Variants in STX1B observed in about 807,000 individuals in gnomAD.
The protein encoded by STX1B is syntaxin 1B.
STX1B carries 7 observed loss-of-function variants against 39.4 expected under a neutral mutation model. That is an observed-to-expected ratio of 0.18 (90% CI 0.10 to 0.33). The LOEUF is 0.33. STX1B is among the 10% of genes least tolerant of loss of function. The pLI, the probability that STX1B is intolerant of heterozygous loss-of-function variation, is 1.00. For missense variants in STX1B, 198 were observed against 383.2 expected (o/e 0.52, Z 4.04); for synonymous variants, 136 against 144.1 (o/e 0.94, Z 0.40).
chr16:31,002,644 G>C (rs2056636452), intron 1 of STX1B, among the ~76,000 whole-genome samples: 1 of 152,182 alleles, frequency 6.6e-6, no homozygotes, highest in African/African-American at 2.4e-5. Flanking sequence ...CTGTAGGGGA[G>C]GTGCCCTGTG....
In STX1B at chr16:31,010,405, G is replaced by A. The variant is rs1434475152; in HGVS notation, c.-9C>T. On this transcript the variant is annotated 5_prime_UTR_variant, in exon 1 of 10. Transcript: ENST00000215095. ...TGAGTCCGATCCTTCATCCTGCGAC[G>A]GCTCCTCCTCCTCCTCCTAGTCCTC... 6.7e-7 allele frequency: 1 copy of A among 1,493,428 alleles called. No homozygotes were observed. Among genetic ancestry groups the A allele is most frequent in the Non-Finnish European group, 9.0e-7 (1 of 1,111,778 alleles). 92.5% of individuals were successfully genotyped at this position (1,493,428 alleles called of 1,614,324 possible).
Position 30,992,090 on chromosome 16 carries a change from GACACAC to G in STX1B, c.*725_*730del, listed in dbSNP as rs55683703. 1.4e-5 allele frequency: 2 copies of G among 146,964 alleles called. No individual in the cohort carries two copies. The highest frequency in any genetic ancestry group is 2.5e-5 in the African/African-American group (1 of 39,636). The allele number at this position is 146,964 out of a possible 1,614,324, so 9.1% of individuals were successfully genotyped here. On this transcript the variant is annotated 3_prime_UTR_variant, in exon 10 of 10. Transcript: ENST00000215095. ...CTATCAATACTTCAGGCACATCCTG[GACACAC>G]ACACACACACACACACACACATGCA...
chr16:31,009,227 C>A (rs151084564), intron 1 of STX1B, among the ~76,000 whole-genome samples: 1 of 152,248 alleles, frequency 6.6e-6, no homozygotes, highest in African/African-American at 2.4e-5. Flanking sequence ...AAAGCAGAGA[C>A]CTGTGTCAAC....
At chr16:31,000,336 T>G (rs1266277880) in intron 4 of STX1B, among the ~76,000 whole-genome samples, 9 of 150,470 alleles carry the variant, frequency 6.0e-5, no homozygotes, top group African/African-American at 1.7e-4. Context: ...TTTTTTGTTT[T>G]TTTTTTTTTT....
At chr16:30,996,105 G>A (rs2056590333) in intron 7 of STX1B, 1 of 151,826 alleles carries the variant, frequency 6.6e-6, no homozygotes, top group Admixed American at 6.6e-5. Context: ...AACACAGGAG[G>A]CGGAGGTTGC....
Position 30,998,402 on chromosome 16 carries a change from A to G in STX1B, c.281-827T>C, listed in dbSNP as rs78086236. 2.9e-3 allele frequency among the ~76,000 whole-genome samples: 440 copies of G among 152,322 alleles called. 2 individuals are homozygous for G. Among genetic ancestry groups the G allele is most frequent in the African/African-American group, 0.01 (420 of 41,578 alleles). On this transcript the variant is annotated intron_variant, in intron 4 of 9. Coordinates refer to ENST00000215095, the MANE Select transcript of STX1B (RefSeq NM_052874.5). ...GAGGTACGGGGCCGGATGGCACCCCAAGGCTCCCCCGATTGAGTGACAGCT... is the reference window on the plus strand; with the variant it reads ...GAGGTACGGGGCCGGATGGCACCCCGAGGCTCCCCCGATTGAGTGACAGCT...
chr16:31,010,303 C>CCG, intron 1 of STX1B, 64 bp downstream of exon 1: 1 of 987,166 alleles, frequency 1.0e-6, no homozygotes, highest in Non-Finnish European at 1.4e-6. Context: ...TCCCCCACTC[C>CCG]ATCCCCACGC....
intron 1 of STX1B, among the ~76,000 whole-genome samples, chr16:31,008,102 C>T (rs1416274608): frequency 6.6e-6 from 1 of 152,078 alleles, no homozygotes; most frequent in Non-Finnish European, 1.5e-5. Context: ...CTGCCTCATC[C>T]CTCCCAGTGT....
chr16:31,010,064 A>T (rs2056672978), intron 1 of STX1B, among the ~76,000 whole-genome samples: 1 of 151,692 alleles, frequency 6.6e-6, no homozygotes, highest in Non-Finnish European at 1.5e-5. Flanking sequence ...TTCTCCTGAT[A>T]TCCACTCTCT....
chr16:30,996,801 G>C, intron 6 of STX1B, 45 bp from the exon 7 acceptor site: 3 of 1,607,504 alleles, frequency 1.9e-6, no homozygotes, highest in Non-Finnish European at 2.6e-6. Context: ...GGACAGCCTG[G>C]GGGCCTGAGG....
chr16:30,993,334 G>A lies in STX1B; in HGVS notation c.675+13C>T, dbSNP rs1291038113. ...GGAGGCTCCCAGAGTGGCATGGGTGGCAGAGCCAGTACCTGGCTCTCTACG... is the reference window on the plus strand; with the variant it reads ...GGAGGCTCCCAGAGTGGCATGGGTGACAGAGCCAGTACCTGGCTCTCTACG... On this transcript the variant is annotated intron_variant, in intron 8 of 9. Coordinates refer to ENST00000215095, the MANE Select transcript of STX1B (RefSeq NM_052874.5). 6 of 1,613,804 alleles carry A rather than the reference G, an allele frequency of 3.7e-6. No individual in the cohort carries two copies. Among genetic ancestry groups the A allele is most frequent in the Non-Finnish European group, 4.2e-6 (5 of 1,179,800 alleles).
At chr16:31,009,647 C>T (rs2056671228) in intron 1 of STX1B, among the ~76,000 whole-genome samples, 1 of 151,914 alleles carries the variant, frequency 6.6e-6, no homozygotes, top group Non-Finnish European at 1.5e-5. Flanking sequence ...GGAGCCGGGC[C>T]TCTTCAGGCC....
intron 1 of STX1B, among the ~76,000 whole-genome samples, chr16:31,003,386 T>TG (rs1567380192): frequency 6.6e-6 from 1 of 152,204 alleles, no homozygotes; most frequent in Non-Finnish European, 1.5e-5. Flanking sequence ...GGCTCACCTC[T>TG]GAGGACCCAT....
At position 30,997,682 on chromosome 16, in the gene STX1B, G is replaced by T. The variant is rs2056603218; in HGVS notation, c.281-107C>A. 2.8e-6 allele frequency: 3 copies of T among 1,076,882 alleles called. No individual in the cohort carries two copies. The Admixed American group carries it at 6.7e-5, about 24-fold the overall frequency. The allele number at this position is 1,076,882 out of a possible 1,614,324, so 66.7% of individuals were successfully genotyped here. On this transcript the variant is annotated intron_variant, in intron 4 of 9. Transcript: ENST00000215095. ...CCCGCGGCAGCGCCAGGCCCGGGGA[G>T]AAACGTCATCCCCAGGGCGAGTTGC...
chr16:31,001,337 G>A lies in STX1B; in HGVS notation c.106-144C>T. On this transcript the variant is annotated intron_variant, in intron 2 of 9. Transcript: ENST00000215095. The surrounding 1 kb of genome is among the most constrained non-coding windows in gnomAD (Gnocchi z 5.5). ...GAGGGTGCAGGAGCAGGGAAGTGGG[G>A]GACAGGGAAAAGGAAGTTGTCGGTG... 3 of 906,182 alleles carry A rather than the reference G, an allele frequency of 3.3e-6. No individual in the cohort carries two copies. The highest frequency in any genetic ancestry group is 3.0e-5 in the South Asian group (2 of 67,602). The allele number at this position is 906,182 out of a possible 1,614,324, so 56.1% of individuals were successfully genotyped here. A position where few individuals can be genotyped will look rare whatever the true frequency, so the allele number is the denominator to read the frequency against.
In STX1B at chr16:30,991,396, G is replaced by C. The variant is rs1186783834; in HGVS notation, c.*1425C>G. ...GGAGCTCTGCCTGCACAATGATGTA[G>C]CCGTGTGTGGCCACACCAGCACTGG... On this transcript the variant is annotated 3_prime_UTR_variant, in exon 10 of 10. Transcript: ENST00000215095. The C allele has an allele frequency of 3.3e-5, 5 of 152,780 alleles. No individual in the cohort carries two copies. Among genetic ancestry groups the C allele is most frequent in the African/African-American group, 4.8e-5 (2 of 41,454 alleles). 9.5% of individuals were successfully genotyped at this position (152,780 alleles called of 1,614,324 possible).
rs2143691486 is a variant in STX1B, at chr16:31,010,359, A to C, written c.30+8T>G. 2.2e-5 allele frequency: 13 copies of C among 580,146 alleles called. No homozygotes were observed. Among genetic ancestry groups the C allele is most frequent in the African/African-American group, 1.1e-4 (4 of 34,820 alleles). The allele number at this position is 580,146 out of a possible 1,614,324, so 35.9% of individuals were successfully genotyped here. ...CCGCCCCCCCATTCTCCCCACCCCC[A>C]AGCTCACACTCCGCAGCTCTTGAGT... On this transcript the variant is annotated splice_region_variant and intron_variant, in intron 1 of 9. Transcript: ENST00000215095.
intron 7 of STX1B, among the ~76,000 whole-genome samples, chr16:30,993,699 T>C (rs542510005): frequency 5.1e-4 from 77 of 152,318 alleles, no homozygotes; most frequent in African/African-American, 1.8e-3. Context: ...TGAGTTAATA[T>C]GTACACATTG....
chr16:30,993,248 C>T lies in STX1B; in HGVS notation c.676-8G>A. 6.2e-7 allele frequency: 1 copy of T among 1,613,838 alleles called. No homozygotes were observed. Among genetic ancestry groups the T allele is most frequent in the Non-Finnish European group, 8.5e-7 (1 of 1,179,698 alleles). On this transcript the variant is annotated splice_region_variant and splice_polypyrimidine_tract_variant and intron_variant, in intron 8 of 9. Coordinates refer to ENST00000215095, the MANE Select transcript of STX1B (RefSeq NM_052874.5). ...GCGGTCAATCATCTCTCCCTGCAGA[C>T]AGAGGAGACATGCACAGGGAGGGAT...
Sources: allele counts gnomAD v4.1 joint callset (sites outside exome capture counted in the v4.1 genomes callset), GRCh38; gene constraint gnomAD v4.1.1; non-coding constraint Gnocchi (gnomAD v3.1); transcripts MANE v1.5; gene names NCBI Gene and HGNC (gene_info 2026-07-23, HGNC 2026-07-21).